Variants in ZFAND3 observed in about 807,000 individuals in gnomAD.
ZFAND3 encodes the protein AN1-type zinc finger protein 3.
Under a neutral mutation model 29.6 loss-of-function variants are expected in ZFAND3, and 10 were observed. The observed-to-expected ratio is 0.34, with a 90% CI of 0.21 to 0.57. The LOEUF (loss-of-function observed/expected upper bound fraction) is 0.57, where lower values mean the gene tolerates loss of function less well. ZFAND3 is among the 20% of genes least tolerant of loss of function. The pLI is 0.86. For missense variants in ZFAND3, 230 were observed against 304.5 expected, an observed-to-expected ratio of 0.76 and a Z score of 1.82; for synonymous variants, 128 against 112.6, an observed-to-expected ratio of 1.14 and a Z score of -0.87.
chr6:37,833,546 C>T (rs865815722), intron 1 of ZFAND3, among the ~76,000 whole-genome samples: 5 of 151,970 alleles, frequency 3.3e-5, no homozygotes, highest in Admixed American at 6.6e-5. Flanking sequence ...ACTTCATGGC[C>T]GGGCACGGTG....
intron 5 of ZFAND3, among the ~76,000 whole-genome samples, chr6:38,132,975 C>T (rs1427511405): frequency 6.6e-6 from 1 of 152,220 alleles, no homozygotes; most frequent in Non-Finnish European, 1.5e-5. Context: ...GTAACAAATT[C>T]ATTCTCAGAG....
At chr6:38,078,134 T>C (rs1055735566) in intron 3 of ZFAND3, among the ~76,000 whole-genome samples, 2 of 152,212 alleles carry the variant, frequency 1.3e-5, no homozygotes, top group Non-Finnish European at 2.9e-5. Context: ...ACTACCATAT[T>C]GCAAATGCTG....
chr6:38,002,925 A>C (rs985038388), intron 2 of ZFAND3: 2 of 152,198 alleles, frequency 1.3e-5, no homozygotes, highest in African/African-American at 4.8e-5. Flanking sequence ...AAAGCCACAT[A>C]CCTTGCTAAC....
At chr6:37,998,164 A>G (rs1561960819) in intron 2 of ZFAND3, among the ~76,000 whole-genome samples, 1 of 152,234 alleles carries the variant, frequency 6.6e-6, no homozygotes, top group Non-Finnish European at 1.5e-5. Context: ...GACATGGATG[A>G]ATCTTAAATG....
At chr6:38,139,835 G>A (rs1425185636) in intron 5 of ZFAND3, among the ~76,000 whole-genome samples, 3 of 152,118 alleles carry the variant, frequency 2.0e-5, no homozygotes. Flanking sequence ...GCTGCTCTGA[G>A]GAAGGTGGAT....
chr6:37,855,109 C>T (rs933944695), intron 1 of ZFAND3, among the ~76,000 whole-genome samples: 1 of 149,490 alleles, frequency 6.7e-6, no homozygotes, highest in Non-Finnish European at 1.5e-5. Context: ...AGCAAGGTAG[C>T]GCTAAGGGAG....
In ZFAND3 at chr6:38,131,877, A is replaced by G. The variant is rs577672541; in HGVS notation, c.529+15138A>G. 1.4e-4 allele frequency among the ~76,000 whole-genome samples: 22 copies of G among 152,340 alleles called. No homozygotes were observed. The South Asian group carries it at 4.6e-3, about 32-fold the overall frequency. On this transcript the variant is annotated intron_variant, in intron 5 of 5. Transcript: ENST00000287218. Reference sequence around the variant, plus strand: ...AAAGCCCTTTTGGAACAGTGTTTGAAAGCAGGCCCAACCACAGCTGAGTGG... The same window carrying G: ...AAAGCCCTTTTGGAACAGTGTTTGAGAGCAGGCCCAACCACAGCTGAGTGG...
chr6:37,862,288 A>G (rs765769935), intron 1 of ZFAND3, among the ~76,000 whole-genome samples: 2 of 152,184 alleles, frequency 1.3e-5, no homozygotes, highest in Non-Finnish European at 2.9e-5. Flanking sequence ...GAAATGGTAC[A>G]GTAGACGGCC....
At chr6:38,019,526 A>G (rs1372183745) in intron 2 of ZFAND3, among the ~76,000 whole-genome samples, 2 of 151,898 alleles carry the variant, frequency 1.3e-5, no homozygotes, top group African/African-American at 4.8e-5. Flanking sequence ...TGAAATACAG[A>G]AAGTTTTTAT....
chr6:37,976,828 A>G (rs567911296), intron 2 of ZFAND3, among the ~76,000 whole-genome samples: 2 of 152,158 alleles, frequency 1.3e-5, no homozygotes, highest in African/African-American at 4.8e-5. Flanking sequence ...GCATGGGGGA[A>G]ACCACCCCCA....
At chr6:37,961,772 TAAGA>T (rs1762203071) in intron 2 of ZFAND3, among the ~76,000 whole-genome samples, 1 of 152,200 alleles carries the variant, frequency 6.6e-6, no homozygotes, top group Non-Finnish European at 1.5e-5. Flanking sequence ...TGGTACCTCT[TAAGA>T]GTCTGCAAGA....
At chr6:38,124,027 G>C (rs1365525575) in intron 5 of ZFAND3, among the ~76,000 whole-genome samples, 1 of 152,084 alleles carries the variant, frequency 6.6e-6, no homozygotes, top group Admixed American at 6.5e-5. Flanking sequence ...CTGCTGATGG[G>C]TCCATTTTAC....
chr6:37,856,346 C>G (rs1214929175), intron 1 of ZFAND3, among the ~76,000 whole-genome samples: 3 of 152,182 alleles, frequency 2.0e-5, no homozygotes, highest in Admixed American at 1.3e-4. Context: ...TACCTGACTT[C>G]ATGTAGAAGC....
intron 2 of ZFAND3, among the ~76,000 whole-genome samples, chr6:38,016,195 G>T (rs1378189732): frequency 6.6e-6 from 1 of 152,142 alleles, no homozygotes; most frequent in East Asian, 1.9e-4. Flanking sequence ...GGGCTTTAGT[G>T]TGCACATCTA....
intron 1 of ZFAND3, among the ~76,000 whole-genome samples, chr6:37,905,461 G>A (rs1251308161): frequency 3.3e-5 from 5 of 152,064 alleles, no homozygotes; most frequent in Non-Finnish European, 7.4e-5. Context: ...CTCTGGAAAT[G>A]GTAACCAGTA....
intron 1 of ZFAND3, among the ~76,000 whole-genome samples, chr6:37,927,500 C>G (rs1761506987): frequency 6.6e-6 from 1 of 152,212 alleles, no homozygotes; most frequent in South Asian, 2.1e-4. Context: ...AGAGAATGTT[C>G]TGCAAACTAC....
At chr6:38,058,592 A>G (rs1298408583) in intron 2 of ZFAND3, among the ~76,000 whole-genome samples, 1 of 152,160 alleles carries the variant, frequency 6.6e-6, no homozygotes. Flanking sequence ...GGCTACATTC[A>G]TTGCACTCAC....
At chr6:38,082,919 G>A (rs1017528787) in intron 4 of ZFAND3, among the ~76,000 whole-genome samples, 2 of 152,086 alleles carry the variant, frequency 1.3e-5, no homozygotes, top group East Asian at 3.9e-4. Context: ...TCTTCTAGAT[G>A]CATAGAATCC....
intron 3 of ZFAND3, among the ~76,000 whole-genome samples, chr6:38,076,424 T>C (rs888970473): frequency 3.3e-5 from 5 of 152,170 alleles, no homozygotes; most frequent in East Asian, 1.9e-4. Context: ...TGTAATTGTT[T>C]AGGGGAGTTA....
Sources: allele counts gnomAD v4.1 joint callset (sites outside exome capture counted in the v4.1 genomes callset), GRCh38; gene constraint gnomAD v4.1.1; transcripts MANE v1.5; gene names NCBI Gene and HGNC (gene_info 2026-07-23, HGNC 2026-07-21).